The following RXRA variants were observed in gnomAD, a reference collection of about 807,000 sequenced individuals.
RXRA encodes retinoid X receptor alpha.
In RXRA, 5 loss-of-function variants were observed where a neutral mutation model predicts 44.5. That is an observed-to-expected ratio of 0.11 (90% confidence interval 0.06 to 0.24). The LOEUF is 0.24. Ranked by LOEUF, RXRA falls within the 10% of genes least tolerant of loss-of-function variation. The pLI is 1.00. For missense variants in RXRA, 412 were observed against 646.5 expected, an observed-to-expected ratio of 0.64 and a Z score of 3.93; for synonymous variants, 291 against 271.4, an observed-to-expected ratio of 1.07 and a Z score of -0.71.
At chr9:134,339,813 CTCTGTGTGTGTGTGTGTGTGAG>C (rs1373079533) in intron 1 of RXRA, among the ~76,000 whole-genome samples, 3 of 112,502 alleles carry the variant, frequency 2.7e-5, no homozygotes, top group African/African-American at 1.1e-4. Flanking sequence ...GTGTGTAAGC[CTCTGTGTGTGTGTGTGTGTGAG>C]TCTGTGTGTG....
intron 1 of RXRA, among the ~76,000 whole-genome samples, chr9:134,398,128 C>T (rs573344840): frequency 1.4e-4 from 22 of 152,266 alleles, no homozygotes; most frequent in African/African-American, 5.1e-4. Flanking sequence ...TACAGGCGTG[C>T]ACCACCATGC....
Position 134,433,242 on chromosome 9 carries a change from G to A in RXRA, c.1136-860G>A, listed in dbSNP as rs181580916. ...CGGAGGCTGAGTCATGCCACGGCCC[G>A]GCCCGGCCCGAGGAATCCCCATTCA... On this transcript the variant is annotated intron_variant, in intron 8 of 9. Transcript: ENST00000481739. This position sits in a 1 kb window ranked among gnomAD's most constrained non-coding sequence, Gnocchi z 4.2. 2.6e-5 allele frequency among the ~76,000 whole-genome samples: 4 copies of A among 152,246 alleles called. No individual in the cohort carries two copies. The highest frequency in any genetic ancestry group is 2.0e-4 in the Admixed American group (3 of 15,292).
chr9:134,354,871 C>G (rs1298977809), intron 1 of RXRA, among the ~76,000 whole-genome samples: 1 of 152,258 alleles, frequency 6.6e-6, no homozygotes, highest in Non-Finnish European at 1.5e-5. Flanking sequence ...TCCCAGTCCC[C>G]TAAGAGCCAG....
At chr9:134,368,673 A>C (rs955590989) in intron 1 of RXRA, among the ~76,000 whole-genome samples, 16 of 147,888 alleles carry the variant, frequency 1.1e-4, no homozygotes, top group African/African-American at 3.5e-4. Context: ...GTGACTGAGG[A>C]TGTATGTGTG....
intron 1 of RXRA, among the ~76,000 whole-genome samples, chr9:134,370,396 C>T (rs968803102): frequency 1.3e-5 from 2 of 152,226 alleles, no homozygotes; most frequent in African/African-American, 4.8e-5. Context: ...CCTTTCTGGT[C>T]CCTGTGTGCA....
chr9:134,376,385 C>T (rs78382306), intron 1 of RXRA, among the ~76,000 whole-genome samples: 4,409 of 152,330 alleles, frequency 0.029, 103 homozygotes, highest in Non-Finnish European at 0.049. Context: ...CTGCTCCCGT[C>T]TATGCTGTCT....
Position 134,422,705 on chromosome 9 carries a change from A to G in RXRA, c.910+900A>G, listed in dbSNP as rs188191072. 16 of 984,756 alleles carry G rather than the reference A, an allele frequency of 1.6e-5. No homozygotes were observed. In the Admixed American group the frequency reaches 2.5e-4, roughly 15 times the overall value. The allele number at this position is 984,756 out of a possible 1,614,324, so 61.0% of individuals were successfully genotyped here. ...ACACTCCCCCGTCCTGGGACCTCCT[A>G]TGTACTCTATGGGACTGTTGGGGGA... On this transcript the variant is annotated intron_variant, in intron 6 of 9. Coordinates refer to ENST00000481739, the MANE Select transcript of RXRA (RefSeq NM_002957.6).
intron 1 of RXRA, among the ~76,000 whole-genome samples, chr9:134,391,863 C>T (rs930344432): frequency 2.5e-4 from 38 of 152,244 alleles, no homozygotes; most frequent in African/African-American, 8.4e-4. Context: ...AACATCTCGC[C>T]TCCTTGAGCC....
In RXRA at chr9:134,366,201, G is replaced by A. The variant is rs1332308947; in HGVS notation, c.29-35431G>A. Reference sequence around the variant, plus strand: ...AGCCTCTGGTGGCTCCGTGTGGCATGTTCTGGGCTGTGTGTGGGGCCAGGG... The same window carrying A: ...AGCCTCTGGTGGCTCCGTGTGGCATATTCTGGGCTGTGTGTGGGGCCAGGG... On this transcript the variant is annotated intron_variant, in intron 1 of 9. Coordinates refer to ENST00000481739, the MANE Select transcript of RXRA (RefSeq NM_002957.6). The surrounding 1 kb of genome is among the most constrained non-coding windows in gnomAD (Gnocchi z 5.9). 6.6e-6 allele frequency among the ~76,000 whole-genome samples: 1 copy of A among 152,166 alleles called. No individual in the cohort carries two copies. Among genetic ancestry groups the A allele is most frequent in the Non-Finnish European group, 1.5e-5 (1 of 68,000 alleles).
intron 1 of RXRA, chr9:134,379,372 G>T: frequency 1.0e-6 from 1 of 987,562 alleles, no homozygotes; most frequent in Non-Finnish European, 1.2e-6. Context: ...GAGGCTGGCT[G>T]TCCTGTGGTG....
At chr9:134,380,167 C>G in intron 1 of RXRA, 1 of 985,448 alleles carries the variant, frequency 1.0e-6, no homozygotes, top group Non-Finnish European at 1.2e-6. Context: ...AGGGCAGGTG[C>G]GTGTGTTGGG....
At chr9:134,425,393 C>A (rs917026048) in intron 6 of RXRA, 3 of 985,044 alleles carry the variant, frequency 3.0e-6, no homozygotes, top group Non-Finnish European at 3.6e-6. Flanking sequence ...GAGACAGGGC[C>A]GGGTCGCTCA....
chr9:134,334,532 G>T (rs1020476595), intron 1 of RXRA, among the ~76,000 whole-genome samples: 2 of 152,244 alleles, frequency 1.3e-5, no homozygotes, highest in Non-Finnish European at 2.9e-5. Context: ...GGGCTGTGGC[G>T]GTGGCAGTGT....
chr9:134,352,738 G>C (rs1325991355), intron 1 of RXRA, among the ~76,000 whole-genome samples: 1 of 152,188 alleles, frequency 6.6e-6, no homozygotes, highest in East Asian at 1.9e-4. Context: ...GCCAGCATGG[G>C]GCGGGCTCCA....
At chr9:134,401,082 A>T (rs980008867) in intron 1 of RXRA, among the ~76,000 whole-genome samples, 1 of 152,222 alleles carries the variant, frequency 6.6e-6, no homozygotes, top group African/African-American at 2.4e-5. Context: ...GGCTTCCCGC[A>T]TCTGTAAAAT....
chr9:134,420,814 C>G lies in RXRA; in HGVS notation c.781-862C>G, dbSNP rs533018803. Reference sequence around the variant, plus strand: ...CTGCCAGGAGCTGAGGAGGGGCCTCCCCTCCTGCCCTGTTCAAGGCTGCCT... The same window carrying G: ...CTGCCAGGAGCTGAGGAGGGGCCTCGCCTCCTGCCCTGTTCAAGGCTGCCT... On this transcript the variant is annotated intron_variant, in intron 5 of 9. Transcript: ENST00000481739. 5.9e-4 allele frequency among the ~76,000 whole-genome samples: 90 copies of G among 152,330 alleles called. 1 individual carries two copies. Among genetic ancestry groups the G allele is most frequent in the African/African-American group, 1.9e-3 (80 of 41,566 alleles).
At chr9:134,359,108 T>A (rs1830318903) in intron 1 of RXRA, among the ~76,000 whole-genome samples, 1 of 152,110 alleles carries the variant, frequency 6.6e-6, no homozygotes, top group Non-Finnish European at 1.5e-5. Context: ...CTTCCAGACC[T>A]GCTGTCTATA....
intron 4 of RXRA, among the ~76,000 whole-genome samples, chr9:134,415,908 C>T (rs1831226302): frequency 6.6e-6 from 1 of 152,220 alleles, no homozygotes. Flanking sequence ...GCGGTTTACT[C>T]ACTTAGACCA....
At chr9:134,336,601 G>A (rs557396289) in intron 1 of RXRA, among the ~76,000 whole-genome samples, 18 of 152,300 alleles carry the variant, frequency 1.2e-4, no homozygotes, top group African/African-American at 2.9e-4. Flanking sequence ...TCCTCTTCCC[G>A]TGGGGCCCTC....
Sources: allele counts gnomAD v4.1 joint callset (sites outside exome capture counted in the v4.1 genomes callset), GRCh38; gene constraint gnomAD v4.1.1; non-coding constraint Gnocchi (gnomAD v3.1); transcripts MANE v1.5; gene names NCBI Gene and HGNC (gene_info 2026-07-23, HGNC 2026-07-21).